Variants in AKAP10 observed in about 807,000 individuals in gnomAD.
The protein encoded by AKAP10 is A-kinase anchor protein 10, mitochondrial.
A neutral mutation model predicts 80.8 loss-of-function variants in AKAP10; 24 were observed. The observed-to-expected ratio is 0.30, with a 90% CI of 0.22 to 0.42. The LOEUF (loss-of-function observed/expected upper bound fraction) is 0.42, where lower values mean the gene tolerates loss of function less well. Among genes scored for constraint, AKAP10 ranks in the 10% least tolerant of loss-of-function variants. The probability of loss-of-function intolerance (pLI) is 1.00; values close to 1 mark genes in which losing one functional copy is unlikely to be tolerated. For missense variants in AKAP10, 661 were observed against 794.9 expected (o/e 0.83, Z 2.03); for synonymous variants, 291 against 277.7 (o/e 1.05, Z -0.48).
chr17:19,918,269 G>A (rs900450927), intron 12 of AKAP10, among the ~76,000 whole-genome samples: 2 of 151,892 alleles, frequency 1.3e-5, no homozygotes, highest in African/African-American at 2.4e-5. Context: ...GCCAGACATG[G>A]TGAATCATGC....
At chr17:19,934,352 T>G (rs1046941124) in intron 9 of AKAP10, among the ~76,000 whole-genome samples, 26 of 152,136 alleles carry the variant, frequency 1.7e-4, no homozygotes, top group African/African-American at 5.6e-4. Flanking sequence ...GCATAATGCC[T>G]TCTTTAATTG....
At chr17:19,957,366 C>G (rs890934493) in intron 4 of AKAP10, among the ~76,000 whole-genome samples, 2 of 151,860 alleles carry the variant, frequency 1.3e-5, no homozygotes, top group African/African-American at 4.8e-5. Flanking sequence ...ATGGTGAAAC[C>G]CCGTCTCTAC....
At chr17:19,931,661 G>T (rs1239561308) in intron 10 of AKAP10, 144 bp downstream of exon 10, 1 of 952,928 alleles carries the variant, frequency 1.0e-6, no homozygotes, top group Non-Finnish European at 1.5e-6. Context: ...AAAGTGCTGG[G>T]ATTACAGGCA....
intron 5 of AKAP10, among the ~76,000 whole-genome samples, chr17:19,946,209 ATATATATATATTT>A (rs1162443460): frequency 0.041 from 1,697 of 40,998 alleles, 239 homozygotes; most frequent in African/African-American, 0.071. Context: ...TATATTTTAT[ATATATATATATTT>A]TATATATATA....
chr17:19,930,924 T>C (rs2042925303), intron 10 of AKAP10, among the ~76,000 whole-genome samples: 1 of 152,122 alleles, frequency 6.6e-6, no homozygotes, highest in African/African-American at 2.4e-5. Context: ...TTGGCCAGGC[T>C]GGTCTCCATC....
chr17:19,953,760 G>C (rs544303125), intron 4 of AKAP10, among the ~76,000 whole-genome samples: 1 of 151,748 alleles, frequency 6.6e-6, no homozygotes, highest in Non-Finnish European at 1.5e-5. Flanking sequence ...TGCCAGGCAC[G>C]GTGGCTCACA....
At chr17:19,961,229 C>G (rs2043346051) in intron 3 of AKAP10, among the ~76,000 whole-genome samples, 2 of 151,110 alleles carry the variant, frequency 1.3e-5, no homozygotes, top group South Asian at 4.2e-4. Context: ...TGGTGCATGC[C>G]TATAGTCCCA....
At chr17:19,954,434 G>A (rs1033779064) in intron 4 of AKAP10, among the ~76,000 whole-genome samples, 2 of 149,776 alleles carry the variant, frequency 1.3e-5, no homozygotes, top group Non-Finnish European at 3.0e-5. Flanking sequence ...ATACTTATAC[G>A]ACATTAACTC....
At chr17:19,949,626 G>T (rs1157601398) in intron 4 of AKAP10, among the ~76,000 whole-genome samples, 1 of 151,956 alleles carries the variant, frequency 6.6e-6, no homozygotes, top group African/African-American at 2.4e-5. Flanking sequence ...AAATTAGCTG[G>T]GCATGGTGGC....
chr17:19,911,001 A>C (rs931639251), intron 12 of AKAP10, among the ~76,000 whole-genome samples: 3 of 152,234 alleles, frequency 2.0e-5, no homozygotes, highest in African/African-American at 7.2e-5. Context: ...GCTTTAAAAC[A>C]AGTTAATTGT....
At chr17:19,922,632 G>A (rs1200609374) in intron 11 of AKAP10, among the ~76,000 whole-genome samples, 1 of 152,186 alleles carries the variant, frequency 6.6e-6, no homozygotes, top group Non-Finnish European at 1.5e-5. Context: ...TGGGTGTGGT[G>A]GCTCATGCCT....
At position 19,904,727 on chromosome 17, in the gene AKAP10, C is replaced by A. The variant is rs567318705; in HGVS notation, c.*1500G>T. On this transcript the variant is annotated 3_prime_UTR_variant, in exon 15 of 15. Transcript: ENST00000225737. ...AGATCAATATATTTCAACAGAAGAG[C>A]CATAAATGCCCTGAAAGCAGAAAGT... 2 of 151,916 alleles carry A rather than the reference C, an allele frequency of 1.3e-5. No homozygotes were observed. The highest frequency in any genetic ancestry group is 2.9e-5 in the Non-Finnish European group (2 of 67,964). 9.4% of individuals were successfully genotyped at this position (151,916 alleles called of 1,614,324 possible). A position where few individuals can be genotyped will look rare whatever the true frequency, so the allele number is the denominator to read the frequency against.
At chr17:19,947,806 A>T (rs2152415904) in intron 4 of AKAP10, among the ~76,000 whole-genome samples, 1 of 152,302 alleles carries the variant, frequency 6.6e-6, no homozygotes, top group South Asian at 2.1e-4. Flanking sequence ...CTGAGGCACT[A>T]AGAAGGAGAA....
intron 9 of AKAP10, among the ~76,000 whole-genome samples, chr17:19,935,614 ATT>A (rs200426239): frequency 1.3e-5 from 2 of 150,450 alleles, no homozygotes; most frequent in Non-Finnish European, 3.0e-5. Context: ...TCTATTTTTA[ATT>A]TTTTTTTTCT....
chr17:19,932,855 T>G (rs2152413207), intron 9 of AKAP10, among the ~76,000 whole-genome samples: 1 of 152,286 alleles, frequency 6.6e-6, no homozygotes, highest in East Asian at 1.9e-4. Context: ...TTTATTTACA[T>G]TTAATAATTA....
intron 11 of AKAP10, among the ~76,000 whole-genome samples, chr17:19,921,151 A>G (rs1352377130): frequency 1.3e-5 from 2 of 152,026 alleles, no homozygotes; most frequent in African/African-American, 4.8e-5. Flanking sequence ...TAAGACTGGA[A>G]AAAAAATTAA....
Position 19,922,307 on chromosome 17 carries a change from T to A in AKAP10, c.1751+2101A>T, listed in dbSNP as rs1025825719. 6.6e-5 allele frequency among the ~76,000 whole-genome samples: 10 copies of A among 152,222 alleles called. No homozygotes were observed. In the East Asian group the frequency reaches 1.9e-3, roughly 29 times the overall value. On this transcript the variant is annotated intron_variant, in intron 11 of 14. Coordinates refer to ENST00000225737, the MANE Select transcript of AKAP10 (RefSeq NM_007202.4). ...ATTTTAGAGATATCTTCCTAATAAG[T>A]TATTTCATAGATGGGTACCAATATA...
At chr17:19,930,796 C>T (rs920478940) in intron 10 of AKAP10, among the ~76,000 whole-genome samples, 7 of 151,980 alleles carry the variant, frequency 4.6e-5, no homozygotes, top group Non-Finnish European at 7.4e-5. Context: ...CTGCAACCTC[C>T]GACTCCCTGG....
At position 19,946,207 on chromosome 17, in the gene AKAP10, ATATATATATATATTT is replaced by A. The variant is rs1425259508; in HGVS notation, c.976+1185_976+1199del. ...GCATATATACTAATACATATATTTT[ATATATATATATATTT>A]TATATATATATATATTATATATATA... On this transcript the variant is annotated intron_variant, in intron 5 of 14. Coordinates refer to ENST00000225737, the MANE Select transcript of AKAP10 (RefSeq NM_007202.4). 3.4e-4 allele frequency among the ~76,000 whole-genome samples: 11 copies of A among 32,812 alleles called. No homozygotes were observed. In the East Asian group the frequency reaches 3.6e-3, roughly 11 times the overall value. The allele number at this position is 32,812 out of a possible 152,430, so 21.5% of individuals were successfully genotyped here.
Sources: allele counts gnomAD v4.1 joint callset (sites outside exome capture counted in the v4.1 genomes callset), GRCh38; gene constraint gnomAD v4.1.1; transcripts MANE v1.5; gene names NCBI Gene and HGNC (gene_info 2026-07-23, HGNC 2026-07-21).